Variants in TCHHL1 observed in about 807,000 individuals in gnomAD.
The protein encoded by TCHHL1 is trichohyalin-like protein 1.
TCHHL1 carries 1 observed loss-of-function variant against 3.5 expected under a neutral mutation model. The observed-to-expected ratio is 0.29, with a 90% confidence interval of 0.10 to 1.36. The LOEUF is 1.36. TCHHL1 is among the 40% of genes most tolerant of loss of function. The pLI is 0.43. For missense variants in TCHHL1, 1,027 were observed against 1,032.8 expected, an observed-to-expected ratio of 0.99 and a Z score of 0.08; for synonymous variants, 405 against 375.3, an observed-to-expected ratio of 1.08 and a Z score of -0.92.
At position 152,085,207 on chromosome 1, in the gene TCHHL1, CTGA is replaced by C; in HGVS notation, c.2472_2474del (p.Gln825del). The stretch of plus-strand genomic sequence containing the variant: ...GCTCTGGGCCTGATGCCTGGGCTAT[CTGA>C]ACTTGCTTTTGATGCTCCTCTTGGG... On this transcript the variant is annotated inframe_deletion, in exon 3 of 3. Coordinates refer to ENST00000368806, the MANE Select transcript of TCHHL1 (RefSeq NM_001008536.2). The C allele has an allele frequency of 6.2e-7, 1 of 1,614,184 alleles. No homozygotes were observed. Among genetic ancestry groups the C allele is most frequent in the East Asian group, 2.2e-5 (1 of 44,888 alleles).
rs1393719349 is a variant in TCHHL1, at chr1:152,085,807, C to G, written c.1875G>C (p.Gln625His). ...RGEDVQLTED[Q>H]EQPARGEHKN... ...TGTGTTCTCCTCTGGCAGGCTGTTC[C>G]TGGTCCTCTGTGAGCTGTACATCCT... Residue 625 changes from glutamine to histidine, a missense_variant, in exon 3 of 3, where the codon CAG (glutamine) becomes CAC (histidine). By Grantham distance (24) the Gln-to-His change is conservative. Coordinates refer to ENST00000368806, the MANE Select transcript of TCHHL1 (RefSeq NM_001008536.2). 2 of 1,614,218 alleles carry G rather than the reference C, an allele frequency of 1.2e-6. No individual in the cohort carries two copies. The highest frequency in any genetic ancestry group is 2.2e-5 in the South Asian group (2 of 91,080).
rs373188751 is a variant in TCHHL1, at chr1:152,086,806, G to T, written c.876C>A (p.Pro292=). 1.2e-6 allele frequency: 2 copies of T among 1,613,960 alleles called. No homozygotes were observed. Among genetic ancestry groups the T allele is most frequent in the African/African-American group, 2.7e-5 (2 of 74,874 alleles). ...AACTGGGCTCATCTTCTCTTTGTAG[G>T]GGTGGTTCTTGTATATTAGAGTGTT... is the stretch of plus-strand genomic sequence containing the variant. The part of the protein sequence containing the change: ...KEKHSNIQEP[P]LQREDEPSSQ... The change falls in exon 3 of 3, where the codon CCC becomes CCA. Residue 292 remains proline (P), a synonymous_variant. Coordinates refer to ENST00000368806, the MANE Select transcript of TCHHL1 (RefSeq NM_001008536.2).
Position 152,086,004 on chromosome 1 carries a change from T to C in TCHHL1, c.1678A>G (p.Ser560Gly), listed in dbSNP as rs753379119. The C allele has an allele frequency of 6.2e-7, 1 of 1,614,242 alleles. No homozygotes were observed. The highest frequency in any genetic ancestry group is 8.5e-7 in the Non-Finnish European group (1 of 1,180,048). The change falls in exon 3 of 3, where the codon AGC becomes GGC. Residue 560 changes from serine (S) to glycine (G), a missense_variant. Physicochemically the swap from Ser to Gly is moderately conservative, Grantham distance 56 (BLOSUM62 0). Transcript: ENST00000368806. Reference sequence around the variant, plus strand: ...GGCAGTTCACCTGTCTCTGAGCTGCTATTGCCTTCCTCTGAAGCCAGGCTG... The same window carrying C: ...GGCAGTTCACCTGTCTCTGAGCTGCCATTGCCTTCCTCTGAAGCCAGGCTG... The part of the protein sequence containing the change: ...PNSLASEEGN[S>G]SSETGELPVQ...
rs188281782 is a variant in TCHHL1 at position 152,085,275 on chromosome 1, G to T, written c.2407C>A (p.Gln803Lys). 104 of 1,614,184 alleles carry T rather than the reference G, an allele frequency of 6.4e-5. No individual in the cohort carries two copies. The African/African-American group carries it at 1.1e-3, about 16-fold the overall frequency. Residue 803 changes from glutamine (Q) to lysine (K), a missense_variant, in exon 3 of 3, where the codon CAG becomes AAG. Coordinates refer to ENST00000368806, the MANE Select transcript of TCHHL1 (RefSeq NM_001008536.2). ...RGAVYSSPLYQYLQEKILQQT... is the reference protein window; with the variant it reads ...RGAVYSSPLYKYLQEKILQQT... ...TGCAGTATCTTCTCCTGTAGGTACT[G>T]GTATAGTGGACTGGAATAGACTGCA...
In TCHHL1 at chr1:152,085,714, C is replaced by G. The variant is rs1221769827; in HGVS notation, c.1968G>C (p.Gln656His). The part of the protein sequence containing the change: ...AVEPNGHPEA[Q>H]ESTAGDENRK... ...TATTTTCATCTCCTGCTGTGGATTC[C>G]TGTGCTTCTGGGTGTCCATTGGGCT... The change falls in exon 3 of 3, where the codon CAG becomes CAC. Residue 656 changes from glutamine (Q) to histidine (H), a missense_variant. Coordinates refer to ENST00000368806, the MANE Select transcript of TCHHL1 (RefSeq NM_001008536.2). 1 of 1,614,210 alleles carries G rather than the reference C, an allele frequency of 6.2e-7. No homozygotes were observed. Among genetic ancestry groups the G allele is most frequent in the Admixed American group, 1.7e-5 (1 of 60,030 alleles).
Position 152,085,733 on chromosome 1 carries a change from T to A in TCHHL1, c.1949A>T (p.Asn650Ile). 1 of 1,614,208 alleles carries A rather than the reference T, an allele frequency of 6.2e-7. No homozygotes were observed. The highest frequency in any genetic ancestry group is 8.5e-7 in the Non-Finnish European group (1 of 1,180,034). ...TKGPGAAVEPNGHPEAQESTA... is the reference protein window; with the variant it reads ...TKGPGAAVEPIGHPEAQESTA... ...GGATTCCTGTGCTTCTGGGTGTCCA[T>A]TGGGCTCCACAGCTGCACCTGGGCC... The change falls in exon 3 of 3, where the codon AAT becomes ATT. Residue 650 changes from asparagine to isoleucine, a missense_variant. By Grantham distance (149) the Asn-to-Ile change is moderately radical (BLOSUM62 -3). Transcript: ENST00000368806.
chr1:152,087,462 C>CA lies in TCHHL1; in HGVS notation c.219dup (p.Val74CysfsTer14), dbSNP rs1657756073. On this transcript the variant is annotated frameshift_variant, in exon 3 of 3. Coordinates refer to ENST00000368806, the MANE Select transcript of TCHHL1 (RefSeq NM_001008536.2). LOFTEE classifies it low-confidence loss of function (END_TRUNC). ...TTCAACAAGTTGAAGATTGCAAGAA[C>CA]AAATTCATCAAAACTGATGATGCCA... 3.7e-6 allele frequency: 6 copies of CA among 1,605,292 alleles called. No homozygotes were observed. Among genetic ancestry groups the CA allele is most frequent in the Non-Finnish European group, 4.2e-6 (5 of 1,179,932 alleles).
rs1218184660 is a variant in TCHHL1, at chr1:152,087,502, C to T, written c.180G>A (p.Leu60=). Reference sequence around the variant, plus strand: ...TGATGATGCCATTACTGTCAATATTCAGAAGATTTGAATTTTTTTCCACAG... The same window carrying T: ...TGATGATGCCATTACTGTCAATATTTAGAAGATTTGAATTTTTTTCCACAG... The part of the protein sequence containing the change: ...LHAVEKNSNL[L]NIDSNGIISF... Residue 60 remains leucine, a synonymous_variant, in exon 3 of 3, where the codon CTG becomes CTA. Coordinates refer to ENST00000368806, the MANE Select transcript of TCHHL1 (RefSeq NM_001008536.2). 6.3e-7 allele frequency: 1 copy of T among 1,599,732 alleles called. No homozygotes were observed. The highest frequency in any genetic ancestry group is 8.5e-7 in the Non-Finnish European group (1 of 1,179,530).
In TCHHL1 at chr1:152,086,446, A is replaced by G; in HGVS notation, c.1236T>C (p.Thr412=). 6.2e-7 allele frequency: 1 copy of G among 1,613,940 alleles called. No homozygotes were observed. The highest frequency in any genetic ancestry group is 8.5e-7 in the Non-Finnish European group (1 of 1,180,012). Residue 412 remains threonine, a synonymous_variant, in exon 3 of 3, where the codon ACT becomes ACC. Transcript: ENST00000368806. ...TTTGGGTTTCCAGGACTAGTGGCCG[A>G]GTTTTTCTGTCACGTTCTTTCTGCC... ...TAGQKERDRK[T]RPLVLETQTQ... is the part of the protein sequence containing the mutation.
In TCHHL1 at chr1:152,085,426, T is replaced by C. The variant is rs369796512; in HGVS notation, c.2256A>G (p.Gln752=). ...VTSEEEDESP[Q]ELAGEGGDQK... is the part of the protein sequence containing the mutation. ...GGTCACCACCTTCTCCTGCCAGCTCTTGGGGACTTTCATCTTCCTCCTCTG... is the reference window on the plus strand; with the variant it reads ...GGTCACCACCTTCTCCTGCCAGCTCCTGGGGACTTTCATCTTCCTCCTCTG... Residue 752 remains glutamine, a synonymous_variant, in exon 3 of 3, where the codon CAA becomes CAG. Coordinates refer to ENST00000368806, the MANE Select transcript of TCHHL1 (RefSeq NM_001008536.2). The C allele has an allele frequency of 6.2e-7, 1 of 1,614,216 alleles. No homozygotes were observed. The highest frequency in any genetic ancestry group is 8.5e-7 in the Non-Finnish European group (1 of 1,180,038).
In TCHHL1 at chr1:152,087,535, G is replaced by T; in HGVS notation, c.147C>A (p.Val49=). 6.3e-7 allele frequency: 1 copy of T among 1,591,298 alleles called. No homozygotes were observed. Among genetic ancestry groups the T allele is most frequent in the South Asian group, 1.1e-5 (1 of 89,116 alleles). Reference sequence around the variant, plus strand: ...TTGAATTTTTTTCCACAGCATGAAGGACACAGGGCTGCATGAAAACACAGT... The same window carrying T: ...TTGAATTTTTTTCCACAGCATGAAGTACACAGGGCTGCATGAAAACACAGT... The part of the protein sequence containing the change: ...GEFGDFFQPC[V]LHAVEKNSNL... The change falls in exon 3 of 3, where the codon GTC becomes GTA. Residue 49 remains valine, a synonymous_variant. Transcript: ENST00000368806.
rs1439765939 is a variant in TCHHL1, at chr1:152,085,843, T to G, written c.1839A>C (p.Ala613=). 1 of 1,614,208 alleles carries G rather than the reference T, an allele frequency of 6.2e-7. No individual in the cohort carries two copies. Among genetic ancestry groups the G allele is most frequent in the Non-Finnish European group, 8.5e-7 (1 of 1,180,030 alleles). ...TGAGCTGTACATCCTCTCCTCTGAC[T>G]GCTGGTACCACTGCCTCCAGAGCTC... ...KNRALEAVVP[A]VRGEDVQLTE... The change falls in exon 3 of 3, where the codon GCA becomes GCC. Residue 613 remains alanine (A), a synonymous_variant. Coordinates refer to ENST00000368806, the MANE Select transcript of TCHHL1 (RefSeq NM_001008536.2).
rs376159135 is a variant in TCHHL1, at chr1:152,088,071, C to A, written c.73G>T (p.Gly25Trp). Residue 25 changes from glycine (G) to tryptophan (W), a missense_variant, in exon 2 of 3, where the codon GGG becomes TGG. Coordinates refer to ENST00000368806, the MANE Select transcript of TCHHL1 (RefSeq NM_001008536.2). ...AGCTCTCTGCCAGTCAGTGTTGCCC[C>A]GTTACTGTCCTCACTGGCATATTTG... Reference protein sequence around the residue: ...FHKYASEDSNGATLTGRELKQ... With the variant: ...FHKYASEDSNWATLTGRELKQ... 1 of 1,611,578 alleles carries A rather than the reference C, an allele frequency of 6.2e-7. No homozygotes were observed. The highest frequency in any genetic ancestry group is 8.5e-7 in the Non-Finnish European group (1 of 1,179,380).
rs1440895693 is a variant in TCHHL1 at position 152,084,441 on chromosome 1, T to A, written c.*526A>T. On this transcript the variant is annotated 3_prime_UTR_variant, in exon 3 of 3. Transcript: ENST00000368806. ...CATGAGCAGAGTCATAAATTTACTT[T>A]AATCAAGTGCTAGAAAATCATAATT... is the stretch of plus-strand genomic sequence containing the variant. 6.2e-6 allele frequency: 1 copy of A among 160,396 alleles called. No individual in the cohort carries two copies. Among genetic ancestry groups the A allele is most frequent in the East Asian group, 1.9e-4 (1 of 5,200 alleles). The allele number at this position is 160,396 out of a possible 1,614,324, so 9.9% of individuals were successfully genotyped here. A position where few individuals can be genotyped will look rare whatever the true frequency, so the allele number is the denominator to read the frequency against.
chr1:152,088,290 A>G, intron 1 of TCHHL1, 127 bp from the exon 2 acceptor site: 2 of 753,820 alleles, frequency 2.7e-6, no homozygotes, highest in Non-Finnish European at 3.8e-6. Flanking sequence ...ATCTTAAAAT[A>G]TTATATCTGA....
At position 152,085,508 on chromosome 1, in the gene TCHHL1, T is replaced by G. The variant is rs768147799; in HGVS notation, c.2174A>C (p.Asp725Ala). The change falls in exon 3 of 3, where the codon GAT becomes GCT. Residue 725 changes from aspartate to alanine, a missense_variant. Around this residue, in one of 3 missense-constraint regions of TCHHL1, gnomAD observed 673 missense variants for 658.6 expected, o/e 1.02. Coordinates refer to ENST00000368806, the MANE Select transcript of TCHHL1 (RefSeq NM_001008536.2). ...EAQNTLLESL[D>A]EDNSASLKIQ... The stretch of plus-strand genomic sequence containing the variant: ...CTTGAGGGAGGCTGAATTGTCCTCA[T>G]CTAGACTTTCTAACAGAGTATTCTG... The G allele has an allele frequency of 5.0e-6, 8 of 1,614,220 alleles. No homozygotes were observed. The highest frequency in any genetic ancestry group is 1.3e-5 in the African/African-American group (1 of 75,044).
At chr1:152,088,575 G>T (rs971633003) in intron 1 of TCHHL1, among the ~76,000 whole-genome samples, 5 of 152,120 alleles carry the variant, frequency 3.3e-5, no homozygotes, top group Non-Finnish European at 7.4e-5. Flanking sequence ...AGCCTCCTGC[G>T]GTTAGGAGGG....
Position 152,088,080 on chromosome 1 carries a change from C to T in TCHHL1, c.64G>A (p.Asp22Asn), listed in dbSNP as rs750381422. The change falls in exon 2 of 3, where the codon GAC becomes AAC. Residue 22 changes from aspartate to asparagine, a missense_variant. Around this residue, in one of 3 missense-constraint regions of TCHHL1, gnomAD observed 338 missense variants for 335.9 expected, o/e 1.01. Transcript: ENST00000368806. ...CCAGTCAGTGTTGCCCCGTTACTGT[C>T]CTCACTGGCATATTTGTGGAATGTC... ...IETFHKYASE[D>N]SNGATLTGRE... 6.2e-7 allele frequency: 1 copy of T among 1,611,150 alleles called. No individual in the cohort carries two copies. Among genetic ancestry groups the T allele is most frequent in the Admixed American group, 1.7e-5 (1 of 59,274 alleles).
chr1:152,087,564 A>ATTACCGGTG, intron 2 of TCHHL1, 21 bp from the exon 3 acceptor site: 1 of 1,566,260 alleles, frequency 6.4e-7, no homozygotes, highest in Non-Finnish European at 8.6e-7. Context: ...ACACAGTGAG[A>ATTACCGGTG]AATCAGCTTA....
Sources: gnomAD v4.1 joint callset for allele counts (sites outside exome capture counted in the v4.1 genomes callset) on GRCh38, gnomAD v4.1.1 for gene constraint, gnomAD v4.1.1 regional missense constraint, MANE v1.5 for transcripts, NCBI Gene and HGNC (gene_info 2026-07-23, HGNC 2026-07-21) for gene names.